Variants in NPHP1 observed in about 807,000 individuals in gnomAD.
NPHP1 encodes the protein nephrocystin 1, also known as nephrocystin-1.
In NPHP1, 70 loss-of-function variants were observed where a neutral mutation model predicts 90.4. The observed-to-expected ratio is 0.77, with a 90% CI of 0.64 to 0.95. The LOEUF (loss-of-function observed/expected upper bound fraction) is 0.95. NPHP1 is among the 40% of genes least tolerant of loss of function. The pLI is 0.00. For missense variants in NPHP1, 764 were observed against 795.9 expected (o/e 0.96, Z 0.48); for synonymous variants, 256 against 271.7 (o/e 0.94, Z 0.57).
intron 4 of NPHP1, among the ~76,000 whole-genome samples, chr2:110,171,549 A>G (rs1365093025): frequency 1.3e-5 from 2 of 152,290 alleles, no homozygotes; most frequent in South Asian, 4.1e-4. Flanking sequence ...CCATTTTTAT[A>G]CCACAAGACT....
At chr2:110,149,207 G>A (rs1681282940) in intron 12 of NPHP1, among the ~76,000 whole-genome samples, 2 of 152,112 alleles carry the variant, frequency 1.3e-5, no homozygotes, top group Non-Finnish European at 2.9e-5. Flanking sequence ...GAACTTCACT[G>A]GCATGAAAAA....
At chr2:110,155,127 C>T (rs2104523823) in intron 11 of NPHP1, among the ~76,000 whole-genome samples, 1 of 152,126 alleles carries the variant, frequency 6.6e-6, no homozygotes, top group African/African-American at 2.4e-5. Context: ...CTAAAAGGGG[C>T]CAAGATAAGC....
chr2:110,179,596 T>C, intron 3 of NPHP1, 28 bp downstream of exon 3: 2 of 1,053,350 alleles, frequency 1.9e-6, no homozygotes, highest in Non-Finnish European at 2.9e-6. Context: ...AGAGATGTTT[T>C]AATAATGTGA....
chr2:110,146,831 G>T lies in NPHP1; in HGVS notation c.1274C>A (p.Thr425Asn). The change falls in exon 14 of 20, where the codon ACT becomes AAT. Residue 425 changes from threonine (T) to asparagine (N), a missense_variant. Thr to Asn is a moderately conservative substitution (Grantham distance 65). Transcript: ENST00000445609. ...ELGISYIRNS[T>N]GERGELSCGW... Reference sequence around the variant, plus strand: ...ACAGCTTAACTCTCCTCTTTCACCAGTTGACTAGGAAATAAGACAAGTATA... The same window carrying T: ...ACAGCTTAACTCTCCTCTTTCACCATTTGACTAGGAAATAAGACAAGTATA... 1 of 1,611,546 alleles carries T rather than the reference G, an allele frequency of 6.2e-7. No homozygotes were observed. Among genetic ancestry groups the T allele is most frequent in the Non-Finnish European group, 8.5e-7 (1 of 1,177,694 alleles).
intron 4 of NPHP1, among the ~76,000 whole-genome samples, chr2:110,176,360 C>T (rs1683507284): frequency 6.6e-6 from 1 of 151,954 alleles, no homozygotes; most frequent in Admixed American, 6.6e-5. Context: ...TTCATCTTTT[C>T]TTCTATTTTC....
rs561520328 is a variant in NPHP1, at chr2:110,195,118, C to CA, written c.143+6302dup. ...GGCACAAGACAGGGATGCCCTCTCTCACCACTCCTATTCAACATAGTGTTG... is the reference window on the plus strand; with the variant it reads ...GGCACAAGACAGGGATGCCCTCTCTCAACCACTCCTATTCAACATAGTGTTG... On this transcript the variant is annotated intron_variant, in intron 2 of 19. Coordinates refer to ENST00000445609, the MANE Select transcript of NPHP1 (RefSeq NM_001128178.3). Among the ~76,000 whole-genome samples, 75 of 152,178 alleles carry CA rather than the reference C, an allele frequency of 4.9e-4. 1 individual carries two copies. In the South Asian group the frequency reaches 0.015, roughly 31 times the overall value.
intron 17 of NPHP1, among the ~76,000 whole-genome samples, chr2:110,130,956 C>T (rs1013857576): frequency 7.9e-5 from 12 of 152,144 alleles, no homozygotes; most frequent in Non-Finnish European, 1.5e-4. Context: ...AGGCCTGGGA[C>T]GCCTATGCCT....
rs549101684 is a variant in NPHP1, at chr2:110,154,884, G to A, written c.1084-4628C>T. Among the ~76,000 whole-genome samples the A allele has an allele frequency of 2.0e-5, 3 of 152,244 alleles. No homozygotes were observed. The South Asian group carries it at 6.2e-4, about 32-fold the overall frequency. ...AAAAGAAAATCACATTTTCTGAGGA[G>A]AAATTCAAGCCGGCTGCAGAAATTC... On this transcript the variant is annotated intron_variant, in intron 11 of 19. Coordinates refer to ENST00000445609, the MANE Select transcript of NPHP1 (RefSeq NM_001128178.3).
rs767659244 is a variant in NPHP1 at position 110,160,107 on chromosome 2, T to G, written c.1083+20A>C. The G allele has an allele frequency of 6.2e-6, 10 of 1,610,636 alleles. No individual in the cohort carries two copies. The highest frequency in any genetic ancestry group is 7.6e-6 in the Non-Finnish European group (9 of 1,177,030). On this transcript the variant is annotated intron_variant, in intron 11 of 19. Transcript: ENST00000445609. ...CTCCATAATCCTAGTATGAATTGAT[T>G]TACTTCTCAGTAACCTTACCTTATT...
rs564202640 is a variant in NPHP1, at chr2:110,165,760, TGAAA to T, written c.625-609_625-606del. On this transcript the variant is annotated intron_variant, in intron 6 of 19. Coordinates refer to ENST00000445609, the MANE Select transcript of NPHP1 (RefSeq NM_001128178.3). ...TATTATAAAAGCTCTTAGAAATCAA[TGAAA>T]GAGTTTTTTAAATCCCTTAGAAAAA... 6.3e-4 allele frequency among the ~76,000 whole-genome samples: 95 copies of T among 151,982 alleles called. No individual in the cohort carries two copies. In the South Asian group the frequency reaches 0.018, roughly 29 times the overall value.
chr2:110,169,241 T>C (rs1682940224), intron 5 of NPHP1, among the ~76,000 whole-genome samples: 1 of 152,140 alleles, frequency 6.6e-6, no homozygotes, highest in African/African-American at 2.4e-5. Flanking sequence ...TGTATTTTAT[T>C]ATTAATCAGT....
At chr2:110,183,211 T>C (rs1210034076) in intron 2 of NPHP1, among the ~76,000 whole-genome samples, 1 of 152,098 alleles carries the variant, frequency 6.6e-6, no homozygotes, top group African/African-American at 2.4e-5. Flanking sequence ...CACTGTGACA[T>C]GTTCATGATG....
chr2:110,191,926 A>G (rs1276784819), intron 2 of NPHP1, among the ~76,000 whole-genome samples: 2 of 152,178 alleles, frequency 1.3e-5, no homozygotes, highest in Non-Finnish European at 1.5e-5. Flanking sequence ...GCAAACTCCA[A>G]CAGACCTGCA....
intron 12 of NPHP1, 144 bp from the exon 13 acceptor site, chr2:110,148,170 G>T (rs1234064791): frequency 1.4e-6 from 1 of 695,102 alleles, no homozygotes; most frequent in Non-Finnish European, 2.6e-6. Flanking sequence ...GAGGTGTTTG[G>T]GTCATGAGGG....
At position 110,123,913 on chromosome 2, in the gene NPHP1, G is replaced by A; in HGVS notation, c.1912C>T (p.Gln638Ter). The A allele has an allele frequency of 6.2e-7, 1 of 1,614,098 alleles. No individual in the cohort carries two copies. Residue 638 changes from glutamine (Q) to a stop codon, truncating the protein, a stop_gained, in exon 20 of 20, where the codon CAA (glutamine) becomes TAA (stop). Transcript: ENST00000445609. LOFTEE classifies it high-confidence loss of function. ...RWKVITDFLKQNQENQGALQA... is the reference protein window; with the variant it reads ...RWKVITDFLK The stretch of plus-strand genomic sequence containing the variant: ...AGGGCGCCCTGGTTTTCTTGGTTTT[G>A]CTTAAGGAAGTCAGTGATAACTTTC...
rs1182223182 is a variant in NPHP1 at position 110,194,689 on chromosome 2, G to A, written c.143+6732C>T. Reference sequence around the variant, plus strand: ...AGCATCATCCTGATACCAAAGCCTGGCAGAGACACAACAAAAAAAGAGAAT... The same window carrying A: ...AGCATCATCCTGATACCAAAGCCTGACAGAGACACAACAAAAAAAGAGAAT... On this transcript the variant is annotated intron_variant, in intron 2 of 19. Coordinates refer to ENST00000445609, the MANE Select transcript of NPHP1 (RefSeq NM_001128178.3). Among the ~76,000 whole-genome samples the A allele has an allele frequency of 2.0e-5, 3 of 152,058 alleles. No individual in the cohort carries two copies. In the East Asian group the frequency reaches 5.8e-4, roughly 29 times the overall value.
In NPHP1 at chr2:110,183,709, G is replaced by C. The variant is rs911036821; in HGVS notation, c.144-4025C>G. 1.3e-4 allele frequency among the ~76,000 whole-genome samples: 20 copies of C among 152,170 alleles called. No individual in the cohort carries two copies. In the Middle Eastern group the frequency reaches 0.01, roughly 78 times the overall value. ...GGACTCCCATACAATAATAGTGGGA[G>C]ACTTTAATACCCCACTGACAATATT... is the stretch of plus-strand genomic sequence containing the variant. On this transcript the variant is annotated intron_variant, in intron 2 of 19. Transcript: ENST00000445609.
In NPHP1 at chr2:110,192,284, A is replaced by G. The variant is rs190433047; in HGVS notation, c.143+9137T>C. Among the ~76,000 whole-genome samples the G allele has an allele frequency of 4.0e-3, 615 of 152,302 alleles. 4 individuals carry two copies. Among genetic ancestry groups the G allele is most frequent in the African/African-American group, 0.013 (561 of 41,566 alleles). ...AAAAAGATTAGACGAATGGCTAACT[A>G]GAATAACCAATGCAGAGAAGTCCTT... On this transcript the variant is annotated intron_variant, in intron 2 of 19. Coordinates refer to ENST00000445609, the MANE Select transcript of NPHP1 (RefSeq NM_001128178.3).
chr2:110,133,387 G>C (rs1201396953), intron 16 of NPHP1, among the ~76,000 whole-genome samples: 1 of 152,050 alleles, frequency 6.6e-6, no homozygotes, highest in Non-Finnish European at 1.5e-5. Context: ...AAACATCAGT[G>C]CTCCTAAATA....
Sources: allele counts gnomAD v4.1 joint callset (sites outside exome capture counted in the v4.1 genomes callset), GRCh38; gene constraint gnomAD v4.1.1; transcripts MANE v1.5; gene names NCBI Gene and HGNC (gene_info 2026-07-23, HGNC 2026-07-21).